Variants in CACNB2 observed in about 807,000 individuals in gnomAD.
CACNB2 encodes the protein calcium voltage-gated channel auxiliary subunit beta 2.
CACNB2 carries 42 observed loss-of-function variants against 73.3 expected under a neutral mutation model. The observed-to-expected ratio is 0.57, with a 90% confidence interval of 0.45 to 0.74. CACNB2 has a LOEUF of 0.74. Among genes scored for constraint, CACNB2 ranks in the 30% least tolerant of loss-of-function variants. CACNB2 has a pLI of 0.00. For missense variants in CACNB2, 940 were observed against 853.0 expected, an observed-to-expected ratio of 1.10 and a Z score of -1.27; for synonymous variants, 348 against 310.3, an observed-to-expected ratio of 1.12 and a Z score of -1.28.
intron 2 of CACNB2, among the ~76,000 whole-genome samples, chr10:18,394,243 A>C (rs561602967): frequency 7.9e-5 from 12 of 152,258 alleles, no homozygotes; most frequent in African/African-American, 2.9e-4. Flanking sequence ...ACCGTGAGCC[A>C]CTGCGCCTGG....
chr10:18,518,266 T>C (rs917147148), intron 7 of CACNB2, 70 bp from the exon 8 acceptor site: 2 of 1,017,778 alleles, frequency 2.0e-6, no homozygotes, highest in Admixed American at 3.4e-5. Flanking sequence ...TCAGAAAGAG[T>C]ACCTTATACA....
At chr10:18,314,045 A>C (rs1050569167) in intron 2 of CACNB2, among the ~76,000 whole-genome samples, 1 of 152,242 alleles carries the variant, frequency 6.6e-6, no homozygotes, top group African/African-American at 2.4e-5. Flanking sequence ...TCACACAGTA[A>C]CTTCAGGCTG....
In CACNB2 at chr10:18,320,363, A is replaced by G. The variant is rs979654878; in HGVS notation, c.214-81561A>G. On this transcript the variant is annotated intron_variant, in intron 2 of 13. Coordinates refer to ENST00000324631, the MANE Select transcript of CACNB2 (RefSeq NM_201596.3). ...TTGCTTTGCTTTGGTTTTGTGGTCT[A>G]TGACATAGTTAAGTACGAAACAAAT... Among the ~76,000 whole-genome samples, 6 of 152,238 alleles carry G rather than the reference A, an allele frequency of 3.9e-5. No homozygotes were observed. In the South Asian group the frequency reaches 1.2e-3, roughly 31 times the overall value.
intron 2 of CACNB2, among the ~76,000 whole-genome samples, chr10:18,390,185 C>T (rs531452879): frequency 6.6e-6 from 1 of 152,290 alleles, no homozygotes; most frequent in South Asian, 2.1e-4. Context: ...CAAGAAAAGG[C>T]CTGGCACTTG....
At chr10:18,141,271 G>T in intron 1 of CACNB2, 3 of 1,381,486 alleles carry the variant, frequency 2.2e-6, no homozygotes, top group South Asian at 1.2e-5. Context: ...CTACGATGCC[G>T]ACTCTCCTGG....
intron 2 of CACNB2, among the ~76,000 whole-genome samples, chr10:18,291,603 G>A (rs1318055687): frequency 6.6e-6 from 1 of 152,188 alleles, no homozygotes; most frequent in African/African-American, 2.4e-5. Flanking sequence ...TATGATATCT[G>A]TGTCTGGCAA....
chr10:18,173,928 G>A (rs2033416148), intron 2 of CACNB2, among the ~76,000 whole-genome samples: 2 of 152,174 alleles, frequency 1.3e-5, no homozygotes, highest in Admixed American at 6.5e-5. Context: ...GAAACTGGTG[G>A]TAAAATGTTG....
At chr10:18,354,910 G>A (rs1316045927) in intron 2 of CACNB2, among the ~76,000 whole-genome samples, 2 of 139,222 alleles carry the variant, frequency 1.4e-5, no homozygotes, top group East Asian at 3.9e-4. Flanking sequence ...CCAAAAATCC[G>A]AAATCCAAAA....
In CACNB2 at chr10:18,461,144, C is replaced by T. The variant is rs534295617; in HGVS notation, c.334-37211C>T. Among the ~76,000 whole-genome samples, 5 of 152,142 alleles carry T rather than the reference C, an allele frequency of 3.3e-5. No individual in the cohort carries two copies. In the East Asian group the frequency reaches 9.7e-4, roughly 29 times the overall value. On this transcript the variant is annotated intron_variant, in intron 3 of 13. Transcript: ENST00000324631. ...GGGTTTCTCCATGTTGATCACCCAT[C>T]CTTACCTGATCTGCACACCTCGGCC...
rs547283433 is a variant in CACNB2 at position 18,490,213 on chromosome 10, C to T, written c.334-8142C>T. ...CATTATTGTCTAGATAAAGAGATGCCACTCTTCTACAAATTGGTACTTACG... is the reference window on the plus strand; with the variant it reads ...CATTATTGTCTAGATAAAGAGATGCTACTCTTCTACAAATTGGTACTTACG... On this transcript the variant is annotated intron_variant, in intron 3 of 13. Coordinates refer to ENST00000324631, the MANE Select transcript of CACNB2 (RefSeq NM_201596.3). Among the ~76,000 whole-genome samples, 125 of 152,258 alleles carry T rather than the reference C, an allele frequency of 8.2e-4. 1 individual carries two copies. The highest frequency in any genetic ancestry group is 1.2e-3 in the Non-Finnish European group (83 of 68,034).
At chr10:18,361,932 G>A (rs2042159646) in intron 2 of CACNB2, among the ~76,000 whole-genome samples, 1 of 152,088 alleles carries the variant, frequency 6.6e-6, no homozygotes, top group Admixed American at 6.6e-5. Context: ...ATTCTTAATT[G>A]CTGTTTCCCA....
chr10:18,185,482 G>A (rs889230499), intron 2 of CACNB2, among the ~76,000 whole-genome samples: 2 of 152,182 alleles, frequency 1.3e-5, no homozygotes, highest in African/African-American at 4.8e-5. Context: ...AAACTTGAAG[G>A]TCATCTTGGA....
intron 3 of CACNB2, 52 bp from the exon 4 acceptor site, chr10:18,498,303 G>T: frequency 6.2e-7 from 1 of 1,608,090 alleles, no homozygotes; most frequent in Non-Finnish European, 8.5e-7. Context: ...GAAAAAGGAG[G>T]GACAGTGTTG....
At chr10:18,536,570 C>T (rs960352218) in intron 12 of CACNB2, among the ~76,000 whole-genome samples, 3 of 151,876 alleles carry the variant, frequency 2.0e-5, no homozygotes, top group African/African-American at 7.3e-5. Flanking sequence ...CCAGAACTGG[C>T]ATTATATTTT....
At chr10:18,236,913 T>C (rs768940198) in intron 2 of CACNB2, among the ~76,000 whole-genome samples, 2 of 152,134 alleles carry the variant, frequency 1.3e-5, no homozygotes, top group African/African-American at 2.4e-5. Context: ...GGGAATATGC[T>C]AGGAAGCTGG....
Position 18,244,016 on chromosome 10 carries a change from A to G in CACNB2, c.213+93041A>G, listed in dbSNP as rs1252809364. On this transcript the variant is annotated intron_variant, in intron 2 of 13. Coordinates refer to ENST00000324631, the MANE Select transcript of CACNB2 (RefSeq NM_201596.3). ...GTTTCTTCCATCGTGCAACTGAGCT[A>G]CCACTAACTGTAGTGCTGCATTGCT... Among the ~76,000 whole-genome samples the G allele has an allele frequency of 2.0e-5, 3 of 152,198 alleles. No individual in the cohort carries two copies. In the East Asian group the frequency reaches 5.8e-4, roughly 29 times the overall value.
intron 3 of CACNB2, among the ~76,000 whole-genome samples, chr10:18,451,148 G>A (rs142529666): frequency 7.9e-5 from 12 of 152,268 alleles, no homozygotes; most frequent in Non-Finnish European, 7.4e-5. Context: ...TTGAAGGATG[G>A]TGGGAATTGG....
At chr10:18,535,676 G>A (rs1051372304) in intron 11 of CACNB2, among the ~76,000 whole-genome samples, 1 of 152,038 alleles carries the variant, frequency 6.6e-6, no homozygotes, top group African/African-American at 2.4e-5. Flanking sequence ...GGGAGGCTGA[G>A]GCAGGAGAAT....
rs560145429 is a variant in CACNB2, at chr10:18,378,712, C to T, written c.214-23212C>T. On this transcript the variant is annotated intron_variant, in intron 2 of 13. Transcript: ENST00000324631. ...GCTGGAGTGAGCTATGATGGCACCA[C>T]TGCACTCCAGTCTGGGGAAACCCTG... Among the ~76,000 whole-genome samples, 7 of 152,228 alleles carry T rather than the reference C, an allele frequency of 4.6e-5. No individual in the cohort carries two copies. In the South Asian group the frequency reaches 1.2e-3, roughly 27 times the overall value.
Sources: gnomAD v4.1 joint callset for allele counts (sites outside exome capture counted in the v4.1 genomes callset) on GRCh38, gnomAD v4.1.1 for gene constraint, MANE v1.5 for transcripts, NCBI Gene and HGNC (gene_info 2026-07-23, HGNC 2026-07-21) for gene names.